Variants in WRNIP1 observed in about 807,000 individuals in gnomAD.
WRNIP1 encodes ATPase WRNIP1.
WRNIP1 carries 41 observed loss-of-function variants against 56.1 expected under a neutral mutation model. That is an observed-to-expected ratio of 0.73 (90% CI 0.57 to 0.95). The LOEUF is 0.95. WRNIP1 is among the 40% of genes least tolerant of loss of function. The pLI is 0.00. For missense variants in WRNIP1, 1,170 were observed against 939.4 expected, an observed-to-expected ratio of 1.25 and a Z score of -3.21; for synonymous variants, 547 against 398.1, an observed-to-expected ratio of 1.37 and a Z score of -4.45.
At position 2,770,790 on chromosome 6, in the gene WRNIP1, C is replaced by G. The variant is rs149758831; in HGVS notation, c.1256+429C>G. On this transcript the variant is annotated intron_variant, in intron 3 of 6. Transcript: ENST00000380773. Reference sequence around the variant, plus strand: ...ACTCATGTTTCAATTTCTTTTTAACCTGCAGTTTAGCATTTTGTTAAAAAA... The same window carrying G: ...ACTCATGTTTCAATTTCTTTTTAACGTGCAGTTTAGCATTTTGTTAAAAAA... Among the ~76,000 whole-genome samples, 842 of 151,822 alleles carry G rather than the reference C, an allele frequency of 5.5e-3. 12 individuals carry two copies. Among genetic ancestry groups the G allele is most frequent in the African/African-American group, 0.02 (809 of 41,354 alleles).
At chr6:2,767,935 A>T (rs1765097616) in intron 1 of WRNIP1, among the ~76,000 whole-genome samples, 1 of 152,244 alleles carries the variant, frequency 6.6e-6, no homozygotes, top group Non-Finnish European at 1.5e-5. Flanking sequence ...AACTTTTAGA[A>T]AAGAAAGTAC....
intron 5 of WRNIP1, 28 bp downstream of exon 5, chr6:2,783,589 CCT>C (rs1429519999): frequency 6.8e-6 from 9 of 1,322,702 alleles, no homozygotes; most frequent in Non-Finnish European, 9.0e-6. Context: ...GTCCCGGAGT[CCT>C]ATGTCCATGA....
chr6:2,775,070 TTAAG>T (rs1162760104), intron 3 of WRNIP1, among the ~76,000 whole-genome samples: 1 of 152,094 alleles, frequency 6.6e-6, no homozygotes, highest in Non-Finnish European at 1.5e-5. Context: ...CACAAAAAGG[TTAAG>T]TAACATGCCC....
At position 2,765,588 on chromosome 6, in the gene WRNIP1, G is replaced by C; in HGVS notation, c.-35G>C. On this transcript the variant is annotated 5_prime_UTR_variant, in exon 1 of 7. Coordinates refer to ENST00000380773, the MANE Select transcript of WRNIP1 (RefSeq NM_020135.3). ...CCTCCGCGTGCGCACGGGTTGCTGCGGCCGCGCCGGGCGCCGGGGAGGGCG... is the reference window on the plus strand; with the variant it reads ...CCTCCGCGTGCGCACGGGTTGCTGCCGCCGCGCCGGGCGCCGGGGAGGGCG... 6.8e-7 allele frequency: 1 copy of C among 1,462,272 alleles called. No homozygotes were observed. The highest frequency in any genetic ancestry group is 9.0e-7 in the Non-Finnish European group (1 of 1,113,598). The allele number at this position is 1,462,272 out of a possible 1,614,324, so 90.6% of individuals were successfully genotyped here. A position where few individuals can be genotyped will look rare whatever the true frequency, so the allele number is the denominator to read the frequency against.
intron 3 of WRNIP1, chr6:2,773,656 G>C (rs1358057573): frequency 2.0e-6 from 2 of 985,364 alleles, no homozygotes; most frequent in Non-Finnish European, 2.4e-6. Context: ...GAATGAGCTT[G>C]TGCTGCTGAA....
At chr6:2,779,565 G>T in intron 4 of WRNIP1, 73 bp downstream of exon 4, 1 of 1,465,668 alleles carries the variant, frequency 6.8e-7, no homozygotes, top group Non-Finnish European at 9.3e-7. Context: ...ATTTCCGGAA[G>T]CCTGACTGGG....
intron 6 of WRNIP1, among the ~76,000 whole-genome samples, chr6:2,784,781 T>TAA (rs879439318): frequency 6.8e-6 from 1 of 147,516 alleles, no homozygotes; most frequent in South Asian, 2.1e-4. Context: ...GTCCTTCAGT[T>TAA]AAAAAAAAAA....
intron 2 of WRNIP1, 43 bp downstream of exon 2, chr6:2,768,925 A>C (rs1407766191): frequency 6.4e-7 from 1 of 1,558,884 alleles, no homozygotes; most frequent in African/African-American, 1.4e-5. Flanking sequence ...GTGAACATCA[A>C]ACAATATAAA....
chr6:2,784,519 A>T, intron 6 of WRNIP1, 116 bp downstream of exon 6: 1 of 1,056,318 alleles, frequency 9.5e-7, no homozygotes, highest in Non-Finnish European at 1.4e-6. Context: ...CCCACTGAGT[A>T]TGCTGCTTGG....
intron 1 of WRNIP1, among the ~76,000 whole-genome samples, chr6:2,767,161 C>T (rs114378463): frequency 6.6e-6 from 1 of 152,176 alleles, no homozygotes; most frequent in African/African-American, 2.4e-5. Flanking sequence ...GAGGCGTTAG[C>T]GTTCCAGATG....
In WRNIP1 at chr6:2,766,047, G is replaced by A; in HGVS notation, c.425G>A (p.Arg142Lys). 7.7e-7 allele frequency: 1 copy of A among 1,296,514 alleles called. No individual in the cohort carries two copies. The highest frequency in any genetic ancestry group is 9.7e-7 in the Non-Finnish European group (1 of 1,027,008). The allele number at this position is 1,296,514 out of a possible 1,614,324, so 80.3% of individuals were successfully genotyped here. A position where few individuals can be genotyped will look rare whatever the true frequency, so the allele number is the denominator to read the frequency against. Residue 142 changes from arginine (R) to lysine (K), a missense_variant, in exon 1 of 7, where the codon AGG (arginine) becomes AAG (lysine). By Grantham distance (26) the Arg-to-Lys change is conservative. Transcript: ENST00000380773. ...CCCGGGAGGAAGGGGTCGGGGAAGA[G>A]GCCGGCGGCCGCCGCCGCGGCGGGG... ...SSPGRKGSGK[R>K]PAAAAAAGSA...
chr6:2,771,988 A>G (rs1373814159), intron 3 of WRNIP1, among the ~76,000 whole-genome samples: 1 of 152,240 alleles, frequency 6.6e-6, no homozygotes, highest in Non-Finnish European at 1.5e-5. Context: ...GAAATAGAAC[A>G]TGAAATCAAT....
intron 3 of WRNIP1, among the ~76,000 whole-genome samples, chr6:2,770,788 A>G (rs1251033704): frequency 6.6e-6 from 1 of 151,970 alleles, no homozygotes; most frequent in Non-Finnish European, 1.5e-5. Flanking sequence ...TTTCTTTTTA[A>G]CCTGCAGTTT....
chr6:2,772,918 T>A, intron 3 of WRNIP1: 1 of 960,628 alleles, frequency 1.0e-6, no homozygotes, highest in Non-Finnish European at 1.2e-6. Flanking sequence ...CAACCCCATA[T>A]ACTTACTTTC....
chr6:2,781,455 A>G (rs186595775), intron 4 of WRNIP1, among the ~76,000 whole-genome samples: 1 of 152,350 alleles, frequency 6.6e-6, no homozygotes. Flanking sequence ...GCTTTGCTCT[A>G]TAAATAGGGA....
chr6:2,771,772 G>T (rs1240309386), intron 3 of WRNIP1, among the ~76,000 whole-genome samples: 1 of 152,164 alleles, frequency 6.6e-6, no homozygotes, highest in African/African-American at 2.4e-5. Flanking sequence ...TCATGTGTAG[G>T]TTTCCCGTAA....
intron 1 of WRNIP1, among the ~76,000 whole-genome samples, chr6:2,767,099 T>C (rs879737305): frequency 2.0e-5 from 3 of 152,236 alleles, no homozygotes; most frequent in Admixed American, 2.0e-4. Flanking sequence ...TGCCTTGTAC[T>C]CTAGAGAAGA....
At position 2,785,141 on chromosome 6, in the gene WRNIP1, G is replaced by A. The variant is rs571428924; in HGVS notation, c.1857G>A (p.Arg619=). ...GPLPPVPLHL[R]NAPTRLMKDL... is the part of the protein sequence containing the mutation. ...TGCCCCCCGTGCCCCTGCACCTGAG[G>A]AACGCGCCCACTAGGCTGATGAAGG... The change falls in exon 7 of 7, where the codon AGG becomes AGA. Residue 619 remains arginine, a synonymous_variant. Transcript: ENST00000380773. The A allele has an allele frequency of 6.8e-6, 11 of 1,614,200 alleles. No individual in the cohort carries two copies. Among genetic ancestry groups the A allele is most frequent in the Non-Finnish European group, 8.5e-6 (10 of 1,180,042 alleles).
Position 2,766,523 on chromosome 6 carries a change from C to T in WRNIP1, c.822+79C>T, listed in dbSNP as rs928731964. 11 of 1,424,518 alleles carry T rather than the reference C, an allele frequency of 7.7e-6. No individual in the cohort carries two copies. The African/African-American group carries it at 1.4e-4, about 19-fold the overall frequency. 88.2% of individuals were successfully genotyped at this position (1,424,518 alleles called of 1,614,324 possible). A position where few individuals can be genotyped will look rare whatever the true frequency, so the allele number is the denominator to read the frequency against. On this transcript the variant is annotated intron_variant, in intron 1 of 6. Transcript: ENST00000380773. ...GCTGATGGTCGGAGAGCCGGGTGTG[C>T]TGCCCTCGAAAGAAGCCGCCTGCCT...
Sources: allele counts gnomAD v4.1 joint callset (sites outside exome capture counted in the v4.1 genomes callset), GRCh38; gene constraint gnomAD v4.1.1; transcripts MANE v1.5; gene names NCBI Gene and HGNC (gene_info 2026-07-23, HGNC 2026-07-21).